The following TENM3 variants were observed in gnomAD, a reference collection of about 807,000 sequenced individuals.
The protein encoded by TENM3 is teneurin transmembrane protein 3.
In TENM3, 63 loss-of-function variants were observed where a neutral mutation model predicts 255.1. That is an observed-to-expected ratio of 0.25 (90% CI 0.20 to 0.30). The LOEUF (loss-of-function observed/expected upper bound fraction) is 0.30, where lower values mean the gene tolerates loss of function less well. Ranked by LOEUF, TENM3 falls within the 10% of genes least tolerant of loss-of-function variation. TENM3 has a pLI of 1.00. For missense variants in TENM3, 2,929 were observed against 3,461.1 expected (o/e 0.85, Z 3.86); for synonymous variants, 1,306 against 1,322.3 (o/e 0.99, Z 0.27).
At chr4:182,323,880 G>T in intron 1 of TENM3, 66 bp from the exon 2 acceptor site, 1 of 656,874 alleles carries the variant, frequency 1.5e-6, no homozygotes, top group South Asian at 1.9e-5. Context: ...GATTGAGAAG[G>T]GTAGAGAGTA....
the TENM3 span, among the ~76,000 whole-genome samples, chr4:182,109,982 A>G: frequency 6.6e-6 from 1 of 151,998 alleles, no homozygotes; most frequent in South Asian, 2.1e-4. Flanking sequence ...AAAATGTGAC[A>G]TAAAAATTAC....
the TENM3 span, among the ~76,000 whole-genome samples, chr4:181,775,528 G>C: frequency 6.6e-6 from 1 of 152,084 alleles, no homozygotes; most frequent in Non-Finnish European, 1.5e-5. Flanking sequence ...TGCCTCATTT[G>C]ACTTAGTAAT....
chr4:181,453,299 G>A, the TENM3 span, among the ~76,000 whole-genome samples: 1 of 152,150 alleles, frequency 6.6e-6, no homozygotes. Flanking sequence ...GAATAAGTGA[G>A]CAAACAAGCT....
the TENM3 span, among the ~76,000 whole-genome samples, chr4:181,482,243 A>G: frequency 6.6e-6 from 1 of 152,146 alleles, no homozygotes; most frequent in Admixed American, 6.5e-5. Flanking sequence ...TTGAAAAAGA[A>G]ATGACAACTT....
chr4:181,553,497 A>G, the TENM3 span, among the ~76,000 whole-genome samples: 42 of 152,008 alleles, frequency 2.8e-4, no homozygotes, highest in Admixed American at 9.8e-4. Flanking sequence ...GCTGGAGTGC[A>G]GGGGCGCGAT....
chr4:181,802,451 G>A, the TENM3 span, among the ~76,000 whole-genome samples: 4 of 152,140 alleles, frequency 2.6e-5, no homozygotes, highest in Non-Finnish European at 4.4e-5. Context: ...TGTTTTCAGA[G>A]CCAAGAAATG....
chr4:182,299,127 G>A (rs1403800264), intron 1 of TENM3, among the ~76,000 whole-genome samples: 1 of 150,788 alleles, frequency 6.6e-6, no homozygotes, highest in Non-Finnish European at 1.5e-5. Context: ...AAAGAATAAT[G>A]GGGCATTAAA....
intron 1 of TENM3, among the ~76,000 whole-genome samples, chr4:182,158,159 C>T (rs897801200): frequency 2.0e-5 from 3 of 152,158 alleles, no homozygotes; most frequent in African/African-American, 7.2e-5. Context: ...CGTCGCGCCT[C>T]TAGACTAGTC....
At chr4:181,480,214 A>T in the TENM3 span, among the ~76,000 whole-genome samples, 2 of 152,112 alleles carry the variant, frequency 1.3e-5, no homozygotes. Flanking sequence ...CTTACCATCT[A>T]TAAAAATAAA....
At chr4:181,724,146 A>C in the TENM3 span, among the ~76,000 whole-genome samples, 1 of 152,208 alleles carries the variant, frequency 6.6e-6, no homozygotes, top group Non-Finnish European at 1.5e-5. Context: ...GTGGCGTTTG[A>C]TGCTTAGAGA....
At chr4:182,413,855 A>G (rs1300536063) in intron 3 of TENM3, among the ~76,000 whole-genome samples, 1 of 152,180 alleles carries the variant, frequency 6.6e-6, no homozygotes, top group African/African-American at 2.4e-5. Flanking sequence ...GATCCAAGAC[A>G]GTTCCTATCT....
At chr4:181,776,901 T>C in the TENM3 span, among the ~76,000 whole-genome samples, 1 of 152,142 alleles carries the variant, frequency 6.6e-6, no homozygotes, top group East Asian at 1.9e-4. Context: ...CTGTTGATTA[T>C]TTCCTTTGCT....
chr4:181,608,628 G>GA, the TENM3 span, among the ~76,000 whole-genome samples: 2 of 151,820 alleles, frequency 1.3e-5, no homozygotes, highest in Non-Finnish European at 2.9e-5. Flanking sequence ...GAGACAGGGA[G>GA]AGGAATTGGT....
intron 16 of TENM3, among the ~76,000 whole-genome samples, chr4:182,735,945 G>A (rs964007674): frequency 6.6e-6 from 1 of 152,082 alleles, no homozygotes; most frequent in African/African-American, 2.4e-5. Context: ...TTGTAAAGGA[G>A]ATAATTCTTA....
At chr4:182,795,957 T>C (rs1399622956) in intron 26 of TENM3, among the ~76,000 whole-genome samples, 3 of 152,210 alleles carry the variant, frequency 2.0e-5, no homozygotes, top group Non-Finnish European at 4.4e-5. Context: ...CTGAGCTGAA[T>C]GGCTTTTGGA....
intron 1 of TENM3, among the ~76,000 whole-genome samples, chr4:182,164,809 T>C (rs1312593504): frequency 6.6e-6 from 1 of 152,180 alleles, no homozygotes; most frequent in African/African-American, 2.4e-5. Context: ...AAAAACCTAC[T>C]TCAGACCGCT....
At chr4:181,547,695 A>T in the TENM3 span, among the ~76,000 whole-genome samples, 1 of 152,196 alleles carries the variant, frequency 6.6e-6, no homozygotes, top group Non-Finnish European at 1.5e-5. Flanking sequence ...AGAAAATGAA[A>T]CAATGCCTTA....
chr4:182,477,816 C>T (rs912960912), intron 3 of TENM3, among the ~76,000 whole-genome samples: 1 of 152,112 alleles, frequency 6.6e-6, no homozygotes, highest in Admixed American at 6.5e-5. Context: ...TAAAATCATA[C>T]TTTATGTCTT....
At chr4:182,309,562 C>T (rs994875929) in intron 1 of TENM3, among the ~76,000 whole-genome samples, 3 of 152,058 alleles carry the variant, frequency 2.0e-5, no homozygotes, top group South Asian at 4.1e-4. Context: ...ACTACCAAGA[C>T]AAAAATATTT....
Sources: allele counts gnomAD v4.1 joint callset (sites outside exome capture counted in the v4.1 genomes callset), GRCh38; gene constraint gnomAD v4.1.1; transcripts MANE v1.5; gene names NCBI Gene and HGNC (gene_info 2026-07-23, HGNC 2026-07-21).